The following RALGPS2 variants were observed in gnomAD, a reference collection of about 807,000 sequenced individuals.
RALGPS2 encodes Ral GEF with PH domain and SH3 binding motif 2, also known as ras-specific guanine nucleotide-releasing factor RalGPS2.
Under a neutral mutation model 86.8 loss-of-function variants are expected in RALGPS2, and 43 were observed. The observed-to-expected ratio is 0.50, with a 90% CI of 0.39 to 0.64. The LOEUF (loss-of-function observed/expected upper bound fraction) is 0.64. Ranked by LOEUF, RALGPS2 falls within the 30% of genes least tolerant of loss-of-function variation. RALGPS2 has a pLI of 0.00. For missense variants in RALGPS2, 536 were observed against 694.6 expected (o/e 0.77, Z 2.57); for synonymous variants, 243 against 231.3 (o/e 1.05, Z -0.46).
chr1:178,867,545 A>G (rs1658491167), intron 8 of RALGPS2, among the ~76,000 whole-genome samples: 1 of 152,014 alleles, frequency 6.6e-6, no homozygotes, highest in Non-Finnish European at 1.5e-5. Flanking sequence ...ACTTTTCTAG[A>G]CCTATGATTT....
intron 1 of RALGPS2, chr1:178,747,778 A>T (rs1651421765): frequency 1.2e-6 from 1 of 820,166 alleles, no homozygotes. Context: ...AGCTGGTGCG[A>T]GCAGAGCCTG....
chr1:178,745,082 A>C (rs1651239555), intron 1 of RALGPS2, among the ~76,000 whole-genome samples: 1 of 152,200 alleles, frequency 6.6e-6, no homozygotes, highest in Admixed American at 6.5e-5. Flanking sequence ...AAATACTGTT[A>C]ATTACACAGC....
At chr1:178,807,068 C>G (rs1654781465) in intron 4 of RALGPS2, among the ~76,000 whole-genome samples, 1 of 152,164 alleles carries the variant, frequency 6.6e-6, no homozygotes, top group African/African-American at 2.4e-5. Flanking sequence ...TGTGATAATT[C>G]ATGCCTGTAA....
At chr1:178,804,460 AC>A (rs1654639082) in intron 4 of RALGPS2, among the ~76,000 whole-genome samples, 1 of 131,198 alleles carries the variant, frequency 7.6e-6, no homozygotes, top group African/African-American at 2.9e-5. Context: ...CCAGAGTGTG[AC>A]GTTCCCCTTC....
At chr1:178,769,746 C>T (rs955701911) in intron 1 of RALGPS2, among the ~76,000 whole-genome samples, 6 of 152,180 alleles carry the variant, frequency 3.9e-5, no homozygotes, top group Non-Finnish European at 7.3e-5. Context: ...GCTCTCCCCA[C>T]GCATCCAAGG....
At chr1:178,732,512 A>G (rs968956649) in intron 1 of RALGPS2, among the ~76,000 whole-genome samples, 2 of 151,904 alleles carry the variant, frequency 1.3e-5, no homozygotes, top group Non-Finnish European at 2.9e-5. Flanking sequence ...GTTAGCCAGG[A>G]TGGTCTCAGA....
chr1:178,857,782 T>C (rs1657693259), intron 8 of RALGPS2, among the ~76,000 whole-genome samples: 2 of 152,190 alleles, frequency 1.3e-5, no homozygotes, highest in African/African-American at 4.8e-5. Context: ...GGTTGGACTT[T>C]TATTAGGTTA....
chr1:178,746,019 A>G (rs1651308813), intron 1 of RALGPS2, among the ~76,000 whole-genome samples: 1 of 151,796 alleles, frequency 6.6e-6, no homozygotes, highest in South Asian at 2.1e-4. Flanking sequence ...ATGGGGTTTC[A>G]CTATGTTGGC....
chr1:178,877,527 G>A lies in RALGPS2; in HGVS notation c.637G>A (p.Asp213Asn), dbSNP rs961943927. 3.1e-6 allele frequency: 5 copies of A among 1,613,202 alleles called. No homozygotes were observed. Among genetic ancestry groups the A allele is most frequent in the East Asian group, 2.2e-5 (1 of 44,792 alleles). Residue 213 changes from aspartate (D) to asparagine (N), a missense_variant, in exon 9 of 20, where the codon GAT becomes AAT. Asp to Asn is a conservative substitution (Grantham distance 23, BLOSUM62 1). This residue lies in a region of RALGPS2 where 184 missense variants were observed against 296.7 expected (regional missense o/e 0.62). Coordinates refer to ENST00000367635, the MANE Select transcript of RALGPS2 (RefSeq NM_152663.5). ...CTATTTGTCAGATTTAACATACATC[G>A]ATTCAGCATACCCATCAACTGGCAG... The part of the protein sequence containing the change: ...GIYLSDLTYI[D>N]SAYPSTGSIL...
intron 1 of RALGPS2, among the ~76,000 whole-genome samples, chr1:178,749,441 T>C (rs754528361): frequency 1.2e-4 from 18 of 152,182 alleles, no homozygotes; most frequent in Non-Finnish European, 1.9e-4. Context: ...AGCCTGGTTT[T>C]TCAGCAGTTT....
intron 1 of RALGPS2, among the ~76,000 whole-genome samples, chr1:178,752,708 AAT>A (rs1651751422): frequency 6.6e-6 from 1 of 152,236 alleles, no homozygotes; most frequent in Admixed American, 6.5e-5. Context: ...GGAGTTAAAA[AAT>A]AGTTATACTT....
At chr1:178,747,308 C>A in intron 1 of RALGPS2, 1 of 1,531,754 alleles carries the variant, frequency 6.5e-7, no homozygotes, top group Non-Finnish European at 9.0e-7. Context: ...AAAATCTGGC[C>A]AAGTAGTATA....
chr1:178,879,025 C>A (rs763748720), intron 10 of RALGPS2, 33 bp downstream of exon 10: 1 of 1,606,206 alleles, frequency 6.2e-7, no homozygotes, highest in South Asian at 1.1e-5. Context: ...GTTTGTATAA[C>A]TTTGTCCTGT....
intron 15 of RALGPS2, among the ~76,000 whole-genome samples, chr1:178,893,599 TAAG>T (rs1193168517): frequency 1.3e-5 from 2 of 151,904 alleles, no homozygotes; most frequent in Non-Finnish European, 2.9e-5. Flanking sequence ...TGTGGCATGT[TAAG>T]AAGAAGAAAA....
intron 8 of RALGPS2, among the ~76,000 whole-genome samples, chr1:178,855,264 C>G (rs1271877194): frequency 6.7e-6 from 1 of 148,562 alleles, no homozygotes; most frequent in Non-Finnish European, 1.5e-5. Flanking sequence ...ACTATGATCT[C>G]TTCCTTGTAG....
chr1:178,802,491 G>A (rs1020154864), intron 4 of RALGPS2, among the ~76,000 whole-genome samples: 2 of 152,076 alleles, frequency 1.3e-5, no homozygotes, highest in East Asian at 1.9e-4. Flanking sequence ...GAAAAATAAC[G>A]TGAGAACCGT....
At chr1:178,851,293 C>T (rs1402538302) in intron 8 of RALGPS2, 10 of 1,610,164 alleles carry the variant, frequency 6.2e-6, no homozygotes, top group Non-Finnish European at 7.6e-6. Context: ...CACCAGCCTC[C>T]TTTATGAAAG....
intron 6 of RALGPS2, among the ~76,000 whole-genome samples, chr1:178,816,203 A>G (rs1048173518): frequency 1.3e-5 from 2 of 152,194 alleles, no homozygotes; most frequent in African/African-American, 4.8e-5. Flanking sequence ...GCAGTCAGCA[A>G]TAAGTCTTCC....
At chr1:178,897,519 TA>T in intron 16 of RALGPS2, 144 bp from the exon 17 acceptor site, 1 of 622,434 alleles carries the variant, frequency 1.6e-6, no homozygotes. Flanking sequence ...TATTTGAGAT[TA>T]AGATTTCAGA....
Sources: gnomAD v4.1 joint callset for allele counts (sites outside exome capture counted in the v4.1 genomes callset) on GRCh38, gnomAD v4.1.1 for gene constraint, gnomAD v4.1.1 regional missense constraint, MANE v1.5 for transcripts, NCBI Gene and HGNC (gene_info 2026-07-23, HGNC 2026-07-21) for gene names.